Variants in PLEKHM2 observed in about 807,000 individuals in gnomAD.
The protein encoded by PLEKHM2 is pleckstrin homology domain-containing family M member 2.
Under a neutral mutation model 116.3 loss-of-function variants are expected in PLEKHM2, and 77 were observed. The observed-to-expected ratio is 0.66, with a 90% CI of 0.55 to 0.80. The LOEUF is 0.80. Among genes scored for constraint, PLEKHM2 ranks in the 30% least tolerant of loss-of-function variants. The pLI, the probability that PLEKHM2 is intolerant of heterozygous loss-of-function variation, is 0.00. For synonymous variants in PLEKHM2, 562 were observed against 571.0 expected, an observed-to-expected ratio of 0.98 and a Z score of 0.22; for missense variants, 1,183 against 1,354.9, an observed-to-expected ratio of 0.87 and a Z score of 1.99.
chr1:15,702,637 C>T (rs1224520104), intron 1 of PLEKHM2, among the ~76,000 whole-genome samples: 2 of 149,606 alleles, frequency 1.3e-5, no homozygotes, highest in Non-Finnish European at 3.0e-5. Flanking sequence ...AGGCTGGTCT[C>T]GAACTCCTGA....
At chr1:15,709,807 A>G (rs1641294700) in intron 1 of PLEKHM2, among the ~76,000 whole-genome samples, 1 of 152,214 alleles carries the variant, frequency 6.6e-6, no homozygotes, top group African/African-American at 2.4e-5. Context: ...AAAGAAAGCT[A>G]TAAAAATTAC....
chr1:15,723,770 G>T (rs908325487), intron 7 of PLEKHM2, among the ~76,000 whole-genome samples: 1 of 141,818 alleles, frequency 7.1e-6, no homozygotes, highest in African/African-American at 2.7e-5. Context: ...AAAAAAAAAA[G>T]GACGGTGTGC....
rs1418627988 is a variant in PLEKHM2, at chr1:15,730,048, G to A, written c.2208+119G>A. ...TTGCCATTTCACAATCGCCTACCTG[G>A]GCGGGGCGGGGCGGGGCGGGGCGGG... On this transcript the variant is annotated intron_variant, in intron 14 of 19. Coordinates refer to ENST00000375799, the MANE Select transcript of PLEKHM2 (RefSeq NM_015164.4). 4 of 314,056 alleles carry A rather than the reference G, an allele frequency of 1.3e-5. No homozygotes were observed. In the Admixed American group the frequency reaches 1.7e-4, roughly 13 times the overall value. The allele number at this position is 314,056 out of a possible 1,614,324, so 19.5% of individuals were successfully genotyped here. A position where few individuals can be genotyped will look rare whatever the true frequency, so the allele number is the denominator to read the frequency against.
rs201504895 is a variant in PLEKHM2, at chr1:15,727,634, C to T, written c.1562C>T (p.Thr521Met). Reference sequence around the variant, plus strand: ...ACGCCTCGGCCCCTAGAGGATACCACGAGGGAGGCTCAGGAGCTGGAGGCC... The same window carrying T: ...ACGCCTCGGCCCCTAGAGGATACCATGAGGGAGGCTCAGGAGCTGGAGGCC... The part of the protein sequence containing the change: ...GQTPRPLEDT[T>M]REAQELEAQL... Residue 521 changes from threonine (T) to methionine (M), a missense_variant, in exon 9 of 20, where the codon ACG (threonine) becomes ATG (methionine). Thr to Met is a moderately conservative substitution (Grantham distance 81). Around this residue, in one of 3 missense-constraint regions of PLEKHM2, gnomAD observed 594 missense variants for 720.1 expected, o/e 0.82. Transcript: ENST00000375799. This position sits in a 1 kb window ranked among gnomAD's most constrained non-coding sequence, Gnocchi z 7.5. 6.3e-6 allele frequency: 10 copies of T among 1,591,764 alleles called. No homozygotes were observed. Among genetic ancestry groups the T allele is most frequent in the South Asian group, 3.4e-5 (3 of 87,746 alleles).
rs367634718 is a variant in PLEKHM2 at position 15,719,470 on chromosome 1, TAG to T, written c.466-250_466-249del. Among the ~76,000 whole-genome samples the T allele has an allele frequency of 3.3e-5, 5 of 150,394 alleles. No homozygotes were observed. Among genetic ancestry groups the T allele is most frequent in the Non-Finnish European group, 7.4e-5 (5 of 67,532 alleles). ...TGTCTCAAAAAAAAAAATAAATAAA[TAG>T]AGAGAGAGAGAGATAGCGGGGGCAT... On this transcript the variant is annotated intron_variant, in intron 5 of 19. Coordinates refer to ENST00000375799, the MANE Select transcript of PLEKHM2 (RefSeq NM_015164.4). The surrounding 1 kb of genome is among the most constrained non-coding windows in gnomAD (Gnocchi z 4.1).
intron 16 of PLEKHM2, 55 bp from the exon 17 acceptor site, chr1:15,731,834 G>T: frequency 6.6e-7 from 1 of 1,507,218 alleles, no homozygotes; most frequent in Non-Finnish European, 9.0e-7. Context: ...GGGGGCTGTC[G>T]CCCCGTGCTG....
chr1:15,734,300 G>A lies in PLEKHM2; in HGVS notation c.*366G>A, dbSNP rs778252076. The A allele has an allele frequency of 2.1e-4, 45 of 213,404 alleles. No individual in the cohort carries two copies. Among genetic ancestry groups the A allele is most frequent in the Middle Eastern group, 3.3e-3 (2 of 608 alleles). The allele number at this position is 213,404 out of a possible 1,614,324, so 13.2% of individuals were successfully genotyped here. ...GGACGAACAAAAGAACCAGGAGGGCGGGACCCCCCTCTTCCTCTCCTGGGT... is the reference window on the plus strand; with the variant it reads ...GGACGAACAAAAGAACCAGGAGGGCAGGACCCCCCTCTTCCTCTCCTGGGT... On this transcript the variant is annotated 3_prime_UTR_variant, in exon 20 of 20. Coordinates refer to ENST00000375799, the MANE Select transcript of PLEKHM2 (RefSeq NM_015164.4).
chr1:15,728,684 C>T lies in PLEKHM2; in HGVS notation c.1937C>T (p.Pro646Leu). 1 of 1,611,596 alleles carries T rather than the reference C, an allele frequency of 6.2e-7. No individual in the cohort carries two copies. Reference protein sequence around the residue: ...YLLRKGATEKPYLVEEAVSYN... With the variant: ...YLLRKGATEKLYLVEEAVSYN... ...CCTCTCTCAGGGGCCACAGAGAAGC[C>T]ATACCTGGTGGAAGAGGCCGTTTCT... The change falls in exon 12 of 20, where the codon CCA becomes CTA. Residue 646 changes from proline to leucine, a missense_variant. Transcript: ENST00000375799. This position sits in a 1 kb window ranked among gnomAD's most constrained non-coding sequence, Gnocchi z 5.9.
Position 15,732,510 on chromosome 1 carries a change from G to T in PLEKHM2, c.2786G>T (p.Gly929Val), listed in dbSNP as rs2068160488. 1 of 1,609,702 alleles carries T rather than the reference G, an allele frequency of 6.2e-7. No homozygotes were observed. The highest frequency in any genetic ancestry group is 2.2e-5 in the East Asian group (1 of 44,794). Residue 929 changes from glycine to valine, a missense_variant, in exon 18 of 20, where the codon GGC becomes GTC. By Grantham distance (109) the Gly-to-Val change is moderately radical (BLOSUM62 -3). Coordinates refer to ENST00000375799, the MANE Select transcript of PLEKHM2 (RefSeq NM_015164.4). Reference sequence around the variant, plus strand: ...ATCAGCGCCGTCTCCACCGAGCCGGGCAAGGAGTACTGCGTCTTGGTGAGC... The same window carrying T: ...ATCAGCGCCGTCTCCACCGAGCCGGTCAAGGAGTACTGCGTCTTGGTGAGC... ...GDISAVSTEP[G>V]KEYCVLEFSQ...
intron 1 of PLEKHM2, among the ~76,000 whole-genome samples, 167 bp downstream of exon 1, chr1:15,684,785 G>C (rs919272546): frequency 6.6e-6 from 1 of 151,424 alleles, no homozygotes; most frequent in South Asian, 2.1e-4. Flanking sequence ...CGCCGCTCAC[G>C]TGAGCGCCGC....
chr1:15,709,615 A>G (rs1301443192), intron 1 of PLEKHM2, among the ~76,000 whole-genome samples: 2 of 152,230 alleles, frequency 1.3e-5, no homozygotes, highest in Non-Finnish European at 2.9e-5. Flanking sequence ...CTGTAGTCGC[A>G]GAGCCACACT....
intron 7 of PLEKHM2, chr1:15,722,645 GTA>G (rs2068010991): frequency 6.6e-6 from 1 of 152,188 alleles, no homozygotes; most frequent in Non-Finnish European, 1.5e-5. Flanking sequence ...GATAATGTGA[GTA>G]TGAAATACCT....
At chr1:15,686,226 C>G (rs1213546466) in intron 1 of PLEKHM2, among the ~76,000 whole-genome samples, 4 of 152,156 alleles carry the variant, frequency 2.6e-5, no homozygotes, top group Non-Finnish European at 5.9e-5. Flanking sequence ...ACTTATTGAG[C>G]TGGAATGCAC....
intron 1 of PLEKHM2, among the ~76,000 whole-genome samples, chr1:15,699,356 C>T (rs750165678): frequency 2.0e-5 from 3 of 152,064 alleles, no homozygotes; most frequent in East Asian, 1.9e-4. Flanking sequence ...CCCCACCTCA[C>T]GATGGGCCCC....
Position 15,718,009 on chromosome 1 carries a change from G to T in PLEKHM2, c.377+17G>T. 6.6e-7 allele frequency: 1 copy of T among 1,511,832 alleles called. No homozygotes were observed. Among genetic ancestry groups the T allele is most frequent in the Admixed American group, 1.9e-5 (1 of 53,442 alleles). The allele number at this position is 1,511,832 out of a possible 1,614,324, so 93.7% of individuals were successfully genotyped here. The stretch of plus-strand genomic sequence containing the variant: ...CTACGTCAAGTGAGTGTCTGGGACG[G>T]TCTGTCTCCCCTAGCCTCAGAGCTC... On this transcript the variant is annotated intron_variant, in intron 4 of 19. Transcript: ENST00000375799.
At position 15,728,148 on chromosome 1, in the gene PLEKHM2, AG is replaced by A. The variant is rs1362540249; in HGVS notation, c.1830+1del. The A allele has an allele frequency of 6.2e-7, 1 of 1,610,482 alleles. No homozygotes were observed. The highest frequency in any genetic ancestry group is 8.5e-7 in the Non-Finnish European group (1 of 1,178,232). ...GAGAAAACGAAGAGCAGCTGTTCAA[AG>A]TAAGTCCTAGGAACTCAGGAGTGAG... On this transcript the variant is annotated splice_donor_variant, in intron 10 of 19. Coordinates refer to ENST00000375799, the MANE Select transcript of PLEKHM2 (RefSeq NM_015164.4). LOFTEE classifies it high-confidence loss of function. This position sits in a 1 kb window ranked among gnomAD's most constrained non-coding sequence, Gnocchi z 5.9.
chr1:15,702,693 C>G (rs974581495), intron 1 of PLEKHM2, among the ~76,000 whole-genome samples: 1 of 147,464 alleles, frequency 6.8e-6, no homozygotes, highest in Non-Finnish European at 1.5e-5. Context: ...GCTGGGATTA[C>G]AGGCATAAGC....
At chr1:15,722,063 C>G (rs1025945344) in intron 7 of PLEKHM2, among the ~76,000 whole-genome samples, 1 of 152,256 alleles carries the variant, frequency 6.6e-6, no homozygotes, top group African/African-American at 2.4e-5. Context: ...TTACTCAAAG[C>G]AAAGGCTATG....
At chr1:15,723,398 C>T (rs6668919) in intron 7 of PLEKHM2, 53,795 of 150,606 alleles carry the variant, frequency 0.36, 12,336 homozygotes, top group African/African-American at 0.65. Flanking sequence ...GGCAGAGCTA[C>T]TCATTGCCTT....
Sources: gnomAD v4.1 joint callset for allele counts (sites outside exome capture counted in the v4.1 genomes callset) on GRCh38, gnomAD v4.1.1 for gene constraint, gnomAD v4.1.1 regional missense constraint, Gnocchi (gnomAD v3.1) non-coding constraint, MANE v1.5 for transcripts, NCBI Gene and HGNC (gene_info 2026-07-23, HGNC 2026-07-21) for gene names.